Variants in DLC1 observed in about 807,000 individuals in gnomAD.
The protein encoded by DLC1 is rho GTPase-activating protein 7.
A neutral mutation model predicts 140.3 loss-of-function variants in DLC1; 54 were observed. That is an observed-to-expected ratio of 0.38 (90% CI 0.31 to 0.48). DLC1 has a LOEUF of 0.48. DLC1 is among the 20% of genes least tolerant of loss of function. The probability of loss-of-function intolerance (pLI) is 0.96; values close to 1 mark genes in which losing one functional copy is unlikely to be tolerated. For synonymous variants in DLC1, 986 were observed against 728.1 expected (o/e 1.35, Z -5.70); for missense variants, 2,536 against 1,907.0 (o/e 1.33, Z -6.14).
intron 4 of DLC1, among the ~76,000 whole-genome samples, chr8:13,382,407 T>C (rs1178329572): frequency 1.5e-4 from 21 of 142,548 alleles, no homozygotes; most frequent in African/African-American, 5.3e-4. Context: ...CTCGGGAGGC[T>C]GAGGCAGGAG....
chr8:13,360,833 CA>C (rs1236510504), intron 4 of DLC1, among the ~76,000 whole-genome samples: 1 of 151,894 alleles, frequency 6.6e-6, no homozygotes, highest in Non-Finnish European at 1.5e-5. Flanking sequence ...TTCCTTCTTT[CA>C]ATGCTAATTG....
At chr8:13,211,094 T>G (rs1827918215) in intron 5 of DLC1, among the ~76,000 whole-genome samples, 1 of 152,142 alleles carries the variant, frequency 6.6e-6, no homozygotes, top group Admixed American at 6.5e-5. Flanking sequence ...GACTAGGAAT[T>G]ATCACGTATT....
chr8:13,086,039 C>T (rs1817528022), intron 17 of DLC1, 108 bp from the exon 18 acceptor site: 1 of 1,489,642 alleles, frequency 6.7e-7, no homozygotes. Flanking sequence ...TCTATCATTT[C>T]CCATGCCTTT....
chr8:13,269,901 C>CA (rs371620278), intron 5 of DLC1, among the ~76,000 whole-genome samples: 2,437 of 129,508 alleles, frequency 0.019, 27 homozygotes, highest in South Asian at 0.05. Flanking sequence ...ACTAAAAATA[C>CA]AAAAAAAAAA....
At chr8:13,192,248 G>A (rs1417082792) in intron 5 of DLC1, among the ~76,000 whole-genome samples, 1 of 150,808 alleles carries the variant, frequency 6.6e-6, no homozygotes, top group African/African-American at 2.5e-5. Flanking sequence ...ACTGTGCCCA[G>A]CCAGCCTGAT....
chr8:13,187,307 A>G (rs1826438327), intron 5 of DLC1, among the ~76,000 whole-genome samples: 1 of 152,238 alleles, frequency 6.6e-6, no homozygotes. Context: ...TCCCTGGAGC[A>G]TAAGAAAATA....
At chr8:13,435,215 A>C (rs1206374209) in intron 2 of DLC1, among the ~76,000 whole-genome samples, 1 of 152,218 alleles carries the variant, frequency 6.6e-6, no homozygotes, top group East Asian at 1.9e-4. Flanking sequence ...CCAAGACTTC[A>C]GTGGAAAATA....
At chr8:13,227,263 T>C (rs891823915) in intron 5 of DLC1, among the ~76,000 whole-genome samples, 1 of 152,118 alleles carries the variant, frequency 6.6e-6, no homozygotes, top group Non-Finnish European at 1.5e-5. Flanking sequence ...CCACAAGAAC[T>C]GTATCGCCAT....
chr8:13,340,398 A>G (rs868715414), intron 4 of DLC1: 1 of 152,178 alleles, frequency 6.6e-6, no homozygotes, highest in Non-Finnish European at 1.5e-5. Context: ...ATGGGGTTTC[A>G]CCATGTTGGC....
intron 1 of DLC1, among the ~76,000 whole-genome samples, chr8:13,603,017 G>A (rs140800346): frequency 2.8e-4 from 43 of 151,916 alleles, no homozygotes; most frequent in African/African-American, 8.2e-4. Context: ...GGGATTTTAC[G>A]TGGCAATAAC....
chr8:13,461,714 T>C (rs1055642147), intron 2 of DLC1, among the ~76,000 whole-genome samples: 1 of 152,180 alleles, frequency 6.6e-6, no homozygotes, highest in African/African-American at 2.4e-5. Flanking sequence ...CCTCTGTCTT[T>C]TCTACAGGAT....
intron 5 of DLC1, among the ~76,000 whole-genome samples, chr8:13,128,996 C>T (rs1821849921): frequency 6.7e-6 from 1 of 149,262 alleles, no homozygotes; most frequent in Non-Finnish European, 1.5e-5. Context: ...AGGAGGACTC[C>T]GCAGTTCTTA....
At chr8:13,436,080 G>C (rs1839111383) in intron 2 of DLC1, among the ~76,000 whole-genome samples, 3 of 152,214 alleles carry the variant, frequency 2.0e-5, no homozygotes, top group East Asian at 3.8e-4. Context: ...CTTGACTACA[G>C]TATAGTGTAA....
intron 1 of DLC1, among the ~76,000 whole-genome samples, chr8:13,563,990 A>T (rs1439257749): frequency 1.3e-5 from 2 of 152,184 alleles, no homozygotes; most frequent in African/African-American, 4.8e-5. Context: ...ACACTTTATC[A>T]ATGTTTATAG....
At chr8:13,411,114 A>G (rs950735612) in intron 2 of DLC1, among the ~76,000 whole-genome samples, 7 of 152,346 alleles carry the variant, frequency 4.6e-5, no homozygotes, top group Admixed American at 4.6e-4. Flanking sequence ...ACACCTGCAT[A>G]CAGATGTTTA....
intron 2 of DLC1, among the ~76,000 whole-genome samples, chr8:13,475,120 AT>A (rs57072673): frequency 0.89 from 135,353 of 151,904 alleles, 60,393 homozygotes; most frequent in South Asian, 0.92. Context: ...GCAAAATGAC[AT>A]TTTTTTTTAA....
chr8:13,135,913 T>A (rs1231042152), intron 5 of DLC1, among the ~76,000 whole-genome samples: 1 of 152,222 alleles, frequency 6.6e-6, no homozygotes, highest in Non-Finnish European at 1.5e-5. Flanking sequence ...GCTCATTGTA[T>A]AATAATACTA....
At chr8:13,295,014 C>A (rs996380750) in intron 5 of DLC1, among the ~76,000 whole-genome samples, 2 of 152,282 alleles carry the variant, frequency 1.3e-5, no homozygotes, top group Non-Finnish European at 2.9e-5. Context: ...TCAACCGAAA[C>A]ATCTGTTAAG....
At chr8:13,287,930 A>G (rs896834515) in intron 5 of DLC1, among the ~76,000 whole-genome samples, 1 of 152,028 alleles carries the variant, frequency 6.6e-6, no homozygotes, top group African/African-American at 2.4e-5. Context: ...TTTGCTCAGA[A>G]ATCAGTTGGA....
Sources: allele counts gnomAD v4.1 joint callset (sites outside exome capture counted in the v4.1 genomes callset), GRCh38; gene constraint gnomAD v4.1.1; transcripts MANE v1.5; gene names NCBI Gene and HGNC (gene_info 2026-07-23, HGNC 2026-07-21).